Variants in ABLIM2 observed in about 807,000 individuals in gnomAD.
ABLIM2 encodes actin binding LIM protein family member 2.
A neutral mutation model predicts 97.7 loss-of-function variants in ABLIM2; 53 were observed. The observed-to-expected ratio is 0.54, with a 90% CI of 0.44 to 0.68. The LOEUF is 0.68. ABLIM2 is among the 30% of genes least tolerant of loss of function. The pLI, the probability that ABLIM2 is intolerant of heterozygous loss-of-function variation, is 0.00. For synonymous variants in ABLIM2, 361 were observed against 345.8 expected (o/e 1.04, Z -0.49); for missense variants, 835 against 867.2 (o/e 0.96, Z 0.47).
rs1803131581 is a variant in ABLIM2, at chr4:8,061,597, T to C, written c.676-543A>G. Among the ~76,000 whole-genome samples, 1 of 151,366 alleles carries C rather than the reference T, an allele frequency of 6.6e-6. No individual in the cohort carries two copies. Among genetic ancestry groups the C allele is most frequent in the Non-Finnish European group, 1.5e-5 (1 of 67,908 alleles). Reference sequence around the variant, plus strand: ...TATTAAATTAGACTACAAATGCTAATACTGAAATAACCCAAACAAACCACA... The same window carrying C: ...TATTAAATTAGACTACAAATGCTAACACTGAAATAACCCAAACAAACCACA... On this transcript the variant is annotated intron_variant, in intron 6 of 20. Coordinates refer to ENST00000447017, the MANE Select transcript of ABLIM2 (RefSeq NM_001130083.2). This position sits in a 1 kb window ranked among gnomAD's most constrained non-coding sequence, Gnocchi z 4.5.
At chr4:8,126,006 TGGGCA>T (rs900884485) in intron 1 of ABLIM2, among the ~76,000 whole-genome samples, 3 of 152,140 alleles carry the variant, frequency 2.0e-5, no homozygotes, top group African/African-American at 7.2e-5. Context: ...GGGGGCCTCA[TGGGCA>T]GGGCAGTGTC....
At chr4:8,078,142 G>A (rs1290622301) in intron 5 of ABLIM2, among the ~76,000 whole-genome samples, 2 of 152,210 alleles carry the variant, frequency 1.3e-5, no homozygotes, top group Non-Finnish European at 2.9e-5. Context: ...AACAGGGCTG[G>A]AGAATGACAG....
chr4:8,091,797 T>TATATTATATATTATA (rs1828725360), intron 3 of ABLIM2, among the ~76,000 whole-genome samples: 1 of 67,138 alleles, frequency 1.5e-5, no homozygotes, highest in African/African-American at 7.5e-5. Flanking sequence ...AATTATAGAA[T>TATATTATATATTATA]TAATATATTA....
intron 14 of ABLIM2, among the ~76,000 whole-genome samples, chr4:8,017,140 G>A (rs1344822495): frequency 6.6e-6 from 1 of 152,138 alleles, no homozygotes; most frequent in Non-Finnish European, 1.5e-5. Context: ...CAGCCCTTGA[G>A]TAGATGACAT....
chr4:7,976,530 G>A (rs1462269250), intron 20 of ABLIM2, among the ~76,000 whole-genome samples: 1 of 152,152 alleles, frequency 6.6e-6, no homozygotes, highest in African/African-American at 2.4e-5. Context: ...GCCTATCCGG[G>A]CTCAGGTCCA....
At chr4:8,091,172 T>C (rs1011280992) in intron 3 of ABLIM2, among the ~76,000 whole-genome samples, 2 of 147,632 alleles carry the variant, frequency 1.4e-5, no homozygotes, top group Non-Finnish European at 3.0e-5. Context: ...GTCGTTCTCA[T>C]GGAGGCGTAA....
chr4:8,096,848 A>G (rs527704375), intron 3 of ABLIM2, among the ~76,000 whole-genome samples: 4 of 152,254 alleles, frequency 2.6e-5, no homozygotes, highest in Admixed American at 2.0e-4. Flanking sequence ...CACTTGCTGC[A>G]TGCTTGCTCT....
rs1044666357 is a variant in ABLIM2 at position 8,083,113 on chromosome 4, G to C, written c.455-2311C>G. Among the ~76,000 whole-genome samples the C allele has an allele frequency of 6.6e-6, 1 of 152,192 alleles. No individual in the cohort carries two copies. ...AACAGGGCTCTCTGGCCCCACATGT[G>C]AATGGTGCTGGAGCTGAGATCCCCG... is the stretch of plus-strand genomic sequence containing the variant. On this transcript the variant is annotated intron_variant, in intron 4 of 20. Transcript: ENST00000447017. This position sits in a 1 kb window ranked among gnomAD's most constrained non-coding sequence, Gnocchi z 4.6.
At position 8,069,211 on chromosome 4, in the gene ABLIM2, C is replaced by T. The variant is rs1326655737; in HGVS notation, c.676-8157G>A. Reference sequence around the variant, plus strand: ...GGCCTCATTCTCTGCTGTACCCCGGCGTCCCCTCCAGCAGTGGCACTGGCA... The same window carrying T: ...GGCCTCATTCTCTGCTGTACCCCGGTGTCCCCTCCAGCAGTGGCACTGGCA... On this transcript the variant is annotated intron_variant, in intron 6 of 20. Transcript: ENST00000447017. This position sits in a 1 kb window ranked among gnomAD's most constrained non-coding sequence, Gnocchi z 4.2. 2.0e-5 allele frequency among the ~76,000 whole-genome samples: 3 copies of T among 152,254 alleles called. No homozygotes were observed. Among genetic ancestry groups the T allele is most frequent in the Non-Finnish European group, 4.4e-5 (3 of 68,040 alleles).
intron 9 of ABLIM2, 141 bp downstream of exon 9, chr4:8,045,023 G>T: frequency 1.4e-6 from 1 of 736,068 alleles, no homozygotes. Context: ...CCGAAGCAGG[G>T]ACAAGAGCAA....
At position 8,075,219 on chromosome 4, in the gene ABLIM2, T is replaced by C. The variant is rs1815243955; in HGVS notation, c.675+2409A>G. Among the ~76,000 whole-genome samples, 1 of 151,196 alleles carries C rather than the reference T, an allele frequency of 6.6e-6. No individual in the cohort carries two copies. The highest frequency in any genetic ancestry group is 2.4e-5 in the African/African-American group (1 of 40,988). On this transcript the variant is annotated intron_variant, in intron 6 of 20. Coordinates refer to ENST00000447017, the MANE Select transcript of ABLIM2 (RefSeq NM_001130083.2). The surrounding 1 kb of genome is among the most constrained non-coding windows in gnomAD (Gnocchi z 4.4). ...TACATATTTCATGATTCCATTCATATGAAACGTCCAGAAGAGAAGTCTATG... is the reference window on the plus strand; with the variant it reads ...TACATATTTCATGATTCCATTCATACGAAACGTCCAGAAGAGAAGTCTATG...
At chr4:8,010,489 A>G (rs1764210406) in intron 14 of ABLIM2, 12 of 985,860 alleles carry the variant, frequency 1.2e-5, no homozygotes, top group Non-Finnish European at 1.4e-5. Flanking sequence ...CTCCTGCACC[A>G]CCAAGGACAA....
At chr4:8,139,740 C>A (rs1422187608) in intron 1 of ABLIM2, among the ~76,000 whole-genome samples, 1 of 152,150 alleles carries the variant, frequency 6.6e-6, no homozygotes, top group Non-Finnish European at 1.5e-5. Context: ...AACCGGCAAT[C>A]CCATTAGTGG....
At chr4:8,013,898 A>G (rs1162921716) in intron 14 of ABLIM2, among the ~76,000 whole-genome samples, 2 of 152,202 alleles carry the variant, frequency 1.3e-5, no homozygotes, top group African/African-American at 4.8e-5. Flanking sequence ...TGGACATGGC[A>G]CAGGGGCCCC....
chr4:8,152,677 G>C (rs996650442), intron 1 of ABLIM2, among the ~76,000 whole-genome samples: 2 of 152,234 alleles, frequency 1.3e-5, no homozygotes, highest in African/African-American at 4.8e-5. Flanking sequence ...CGTCCATCAT[G>C]CGGGGATGAC....
Position 8,051,384 on chromosome 4 carries a change from T to TAA in ABLIM2, c.822+2802_822+2803dup, listed in dbSNP as rs35706789. ...CAACATAATGAAACCCTGTCTCTAC[T>TAA]AAAAAAAAAAGAAAATACAAAAATT... On this transcript the variant is annotated intron_variant, in intron 8 of 20. Transcript: ENST00000447017. Among the ~76,000 whole-genome samples, 874 of 147,612 alleles carry TAA rather than the reference T, an allele frequency of 5.9e-3. 8 individuals are homozygous for TAA. The highest frequency in any genetic ancestry group is 0.019 in the African/African-American group (780 of 40,246).
intron 3 of ABLIM2, among the ~76,000 whole-genome samples, chr4:8,088,635 C>T (rs912449658): frequency 2.0e-5 from 3 of 152,242 alleles, no homozygotes; most frequent in African/African-American, 7.2e-5. Context: ...CCTGCCTTCC[C>T]AGTCACATGG....
intron 7 of ABLIM2, among the ~76,000 whole-genome samples, chr4:8,059,569 T>C (rs936964886): frequency 6.6e-6 from 1 of 151,922 alleles, no homozygotes; most frequent in Non-Finnish European, 1.5e-5. Context: ...TTCTTCTTTG[T>C]TGTAGGGGAT....
At chr4:8,012,651 C>T (rs889331175) in intron 14 of ABLIM2, among the ~76,000 whole-genome samples, 6 of 151,974 alleles carry the variant, frequency 3.9e-5, no homozygotes, top group African/African-American at 1.2e-4. Context: ...CACCCACCAC[C>T]CATCCATCCA....
Sources: allele counts gnomAD v4.1 joint callset (sites outside exome capture counted in the v4.1 genomes callset), GRCh38; gene constraint gnomAD v4.1.1; non-coding constraint Gnocchi (gnomAD v3.1); transcripts MANE v1.5; gene names NCBI Gene and HGNC (gene_info 2026-07-23, HGNC 2026-07-21).